USP34: variants seen among roughly 807,000 people sequenced by gnomAD.
USP34 encodes the protein ubiquitin carboxyl-terminal hydrolase 34.
Under a neutral mutation model 460.3 loss-of-function variants are expected in USP34, and 70 were observed. The observed-to-expected ratio is 0.15, with a 90% confidence interval of 0.13 to 0.19. The LOEUF (loss-of-function observed/expected upper bound fraction) is 0.19. Ranked by LOEUF, USP34 falls within the 10% of genes least tolerant of loss-of-function variation. The pLI is 1.00. For synonymous variants in USP34, 1,647 were observed against 1,405.3 expected, an observed-to-expected ratio of 1.17 and a Z score of -3.85; for missense variants, 3,985 against 4,236.2, an observed-to-expected ratio of 0.94 and a Z score of 1.65.
chr2:61,283,204 G>A lies in USP34; in HGVS notation c.4939C>T (p.Leu1647Phe). The stretch of plus-strand genomic sequence containing the variant: ...TCTTGTAAATGATCGCTATCAGCAA[G>A]GCTAGATTTCACTAAAGAACAGCAA... ...AHCCSLVKSS[L>F]ADSDHLQDWL... Residue 1647 changes from leucine (L) to phenylalanine (F), a missense_variant, in exon 37 of 80, where the codon CTT becomes TTT. By Grantham distance (22) the Leu-to-Phe change is conservative. Transcript: ENST00000398571. The A allele has an allele frequency of 1.2e-6, 2 of 1,613,532 alleles. No homozygotes were observed. Among genetic ancestry groups the A allele is most frequent in the Non-Finnish European group, 8.5e-7 (1 of 1,179,714 alleles).
intron 51 of USP34, among the ~76,000 whole-genome samples, chr2:61,243,272 G>C (rs1262206337): frequency 6.6e-6 from 1 of 151,986 alleles, no homozygotes; most frequent in Non-Finnish European, 1.5e-5. Context: ...TCAGCCTCCT[G>C]AGTAGCTGGG....
rs994020614 is a variant in USP34 at position 61,441,141 on chromosome 2, AT to A, written c.44-20309del. ...AGAGCCGCCTCAAAAAAAAAAAAAA[AT>A]TTTTTTTTTTTTTTGGACTCAGAGT... On this transcript the variant is annotated intron_variant, in intron 1 of 79. Coordinates refer to ENST00000398571, the MANE Select transcript of USP34 (RefSeq NM_014709.4). Among the ~76,000 whole-genome samples the A allele has an allele frequency of 6.7e-3, 939 of 140,566 alleles. 4 individuals are homozygous for A. Among genetic ancestry groups the A allele is most frequent in the Admixed American group, 0.01 (146 of 14,024 alleles). The allele number at this position is 140,566 out of a possible 152,430, so 92.2% of individuals were successfully genotyped here. A position where few individuals can be genotyped will look rare whatever the true frequency, so the allele number is the denominator to read the frequency against.
intron 65 of USP34, chr2:61,221,973 CTTA>C (rs1181323956): frequency 1.3e-5 from 2 of 159,840 alleles, no homozygotes; most frequent in African/African-American, 2.4e-5. Context: ...ACCTCACACA[CTTA>C]TTTTTTGTCA....
In USP34 at chr2:61,257,301, G is replaced by A; in HGVS notation, c.5894C>T (p.Thr1965Ile). 1 of 1,612,760 alleles carries A rather than the reference G, an allele frequency of 6.2e-7. No individual in the cohort carries two copies. The highest frequency in any genetic ancestry group is 2.2e-5 in the East Asian group (1 of 44,744). The change falls in exon 45 of 80, where the codon ACC (threonine) becomes ATC (isoleucine). Residue 1965 changes from threonine (T) to isoleucine (I), a missense_variant. Coordinates refer to ENST00000398571, the MANE Select transcript of USP34 (RefSeq NM_014709.4). ...AGTATTCAGAGGCTGCTTATCCATG[G>A]TGTATGTTTTACAGAAAGGTCTAGG... ...YNPRPFCKTY[T>I]MDKQPLNTGE... is the part of the protein sequence containing the mutation.
At chr2:61,368,752 T>C (rs1343862961) in intron 10 of USP34, among the ~76,000 whole-genome samples, 1 of 152,148 alleles carries the variant, frequency 6.6e-6, no homozygotes, top group African/African-American at 2.4e-5. Context: ...ATAGAAAATG[T>C]ATAGGGAGAA....
At chr2:61,358,873 T>C (rs764095207) in intron 10 of USP34, among the ~76,000 whole-genome samples, 4 of 152,166 alleles carry the variant, frequency 2.6e-5, no homozygotes, top group African/African-American at 7.2e-5. Flanking sequence ...TTCAAAAGCA[T>C]GTAAAAGAAT....
In USP34 at chr2:61,256,414, T is replaced by C; in HGVS notation, c.6191A>G (p.His2064Arg). Residue 2064 changes from histidine (H) to arginine (R), a missense_variant, in exon 48 of 80, where the codon CAT (histidine) becomes CGT (arginine). Physicochemically the swap from His to Arg is conservative, Grantham distance 29. Transcript: ENST00000398571. ...LEGDNMYTCSHCGKKVRAEKR... is the reference protein window; with the variant it reads ...LEGDNMYTCSRCGKKVRAEKR... ...TTCAGCTCGTACTTTCTTCCCACAATGAGAACAAGTATACATGTTATCACC... is the reference window on the plus strand; with the variant it reads ...TTCAGCTCGTACTTTCTTCCCACAACGAGAACAAGTATACATGTTATCACC... 1 of 1,612,482 alleles carries C rather than the reference T, an allele frequency of 6.2e-7. No individual in the cohort carries two copies. Among genetic ancestry groups the C allele is most frequent in the Non-Finnish European group, 8.5e-7 (1 of 1,179,330 alleles).
chr2:61,345,161 C>A (rs779503599), intron 15 of USP34, among the ~76,000 whole-genome samples: 5 of 151,944 alleles, frequency 3.3e-5, no homozygotes, highest in Non-Finnish European at 5.9e-5. Flanking sequence ...ATAATCACAG[C>A]TACTCGGGAG....
At chr2:61,359,730 GAAGGA>G (rs1692215310) in intron 10 of USP34, among the ~76,000 whole-genome samples, 1 of 146,676 alleles carries the variant, frequency 6.8e-6, no homozygotes, top group African/African-American at 2.5e-5. Flanking sequence ...AACAGGCATA[GAAGGA>G]ACTTACCTCA....
intron 19 of USP34, among the ~76,000 whole-genome samples, chr2:61,332,109 C>T (rs1691284775): frequency 6.6e-6 from 1 of 152,050 alleles, no homozygotes; most frequent in Non-Finnish European, 1.5e-5. Context: ...GGTTTGAAGG[C>T]AGCTCCAATA....
At chr2:61,374,492 T>C (rs949102943) in intron 8 of USP34, among the ~76,000 whole-genome samples, 2 of 152,188 alleles carry the variant, frequency 1.3e-5, no homozygotes, top group Non-Finnish European at 2.9e-5. Context: ...AGATTAGAAT[T>C]TTCCAATATG....
intron 32 of USP34, among the ~76,000 whole-genome samples, chr2:61,294,602 TAG>T (rs1689967272): frequency 6.6e-6 from 1 of 152,020 alleles, no homozygotes. Flanking sequence ...GCATTTTTAG[TAG>T]AGACACGGGT....
intron 74 of USP34, among the ~76,000 whole-genome samples, chr2:61,203,583 G>C (rs2103768327): frequency 6.6e-6 from 1 of 152,186 alleles, no homozygotes; most frequent in African/African-American, 2.4e-5. Context: ...TTTTGAAATA[G>C]ATTCCAAGTT....
chr2:61,304,912 TA>T (rs564060003), intron 27 of USP34, among the ~76,000 whole-genome samples: 3 of 152,006 alleles, frequency 2.0e-5, no homozygotes, highest in African/African-American at 7.2e-5. Context: ...TTCTACCTTT[TA>T]AAAAAAATAG....
intron 67 of USP34, among the ~76,000 whole-genome samples, chr2:61,216,412 A>T (rs993255851): frequency 6.6e-6 from 1 of 150,732 alleles, no homozygotes; most frequent in Non-Finnish European, 1.5e-5. Context: ...CATCCTGGCT[A>T]ATATGGTGAA....
chr2:61,405,246 A>G (rs1038160900), intron 3 of USP34, among the ~76,000 whole-genome samples: 1 of 147,356 alleles, frequency 6.8e-6, no homozygotes, highest in East Asian at 1.9e-4. Context: ...AAAAAAAAAA[A>G]AAAAAAAAAA....
At chr2:61,365,284 C>G (rs1692397683) in intron 10 of USP34, among the ~76,000 whole-genome samples, 1 of 148,562 alleles carries the variant, frequency 6.7e-6, no homozygotes, top group Non-Finnish European at 1.5e-5. Flanking sequence ...CACACACACA[C>G]ACACACACGT....
chr2:61,220,279 T>C (rs938901226), intron 67 of USP34, 31 bp downstream of exon 67: 3 of 1,571,618 alleles, frequency 1.9e-6, no homozygotes, highest in South Asian at 2.4e-5. Context: ...AATAAATAAA[T>C]GGTTTATGAA....
intron 10 of USP34, among the ~76,000 whole-genome samples, chr2:61,365,292 C>CACGT (rs754663268): frequency 7.0e-6 from 1 of 142,096 alleles, no homozygotes; most frequent in African/African-American, 2.7e-5. Flanking sequence ...CACACACACA[C>CACGT]GTGTGTTTAT....
Sources: allele counts gnomAD v4.1 joint callset (sites outside exome capture counted in the v4.1 genomes callset), GRCh38; gene constraint gnomAD v4.1.1; transcripts MANE v1.5; gene names NCBI Gene and HGNC (gene_info 2026-07-23, HGNC 2026-07-21).